The following HHLA2 variants were observed in gnomAD, a reference collection of about 807,000 sequenced individuals.
HHLA2 encodes the protein HERV-H LTR-associating protein 2.
Under a neutral mutation model 45.9 loss-of-function variants are expected in HHLA2, and 48 were observed. The observed-to-expected ratio is 1.05, with a 90% confidence interval of 0.83 to 1.33. The LOEUF is 1.33. Ranked by LOEUF, HHLA2 falls within the 40% of genes most tolerant of loss-of-function variation. The pLI, the probability that HHLA2 is intolerant of heterozygous loss-of-function variation, is 0.00. For missense variants in HHLA2, 462 were observed against 494.3 expected (o/e 0.93, Z 0.62); for synonymous variants, 161 against 173.9 (o/e 0.93, Z 0.59).
At chr3:108,309,268 CT>C (rs2080979484) in intron 1 of HHLA2, among the ~76,000 whole-genome samples, 1 of 152,158 alleles carries the variant, frequency 6.6e-6, no homozygotes, top group Non-Finnish European at 1.5e-5. Flanking sequence ...AAGAGACTAT[CT>C]TTTCCCCAGT....
At chr3:108,333,284 A>G (rs1237772853) in intron 3 of HHLA2, among the ~76,000 whole-genome samples, 1 of 152,106 alleles carries the variant, frequency 6.6e-6, no homozygotes, top group Non-Finnish European at 1.5e-5. Flanking sequence ...AACCCACACA[A>G]TCTCATGTCA....
intron 6 of HHLA2, among the ~76,000 whole-genome samples, chr3:108,355,899 T>C (rs774158917): frequency 1.3e-5 from 2 of 152,186 alleles, no homozygotes; most frequent in Non-Finnish European, 2.9e-5. Flanking sequence ...CACAACATGG[T>C]CAGTTTTTAG....
intron 3 of HHLA2, among the ~76,000 whole-genome samples, chr3:108,341,604 CAAACA>C (rs1471018673): frequency 3.4e-5 from 3 of 87,844 alleles, no homozygotes; most frequent in African/African-American, 1.2e-4. Flanking sequence ...TTTATTTAAA[CAAACA>C]AAAAAAAACA....
At chr3:108,355,471 A>G in intron 6 of HHLA2, 90 bp downstream of exon 5, 1 of 1,426,096 alleles carries the variant, frequency 7.0e-7, no homozygotes. Flanking sequence ...AGGAAGATGA[A>G]AGAAAAGAAA....
At chr3:108,361,116 C>A (rs530323918) in intron 7 of HHLA2, among the ~76,000 whole-genome samples, 99 of 152,278 alleles carry the variant, frequency 6.5e-4, no homozygotes. Flanking sequence ...TTCAACAATT[C>A]TAGTCCTGAC....
intron 7 of HHLA2, 142 bp from the exon 7 acceptor site, chr3:108,362,200 A>C (rs543184106): frequency 1.6e-6 from 1 of 629,352 alleles, no homozygotes; most frequent in African/African-American, 1.8e-5. Context: ...GTGTTTTCAT[A>C]TGAATTCAGC....
intron 3 of HHLA2, among the ~76,000 whole-genome samples, chr3:108,336,772 G>A (rs1223144000): frequency 6.6e-6 from 1 of 151,880 alleles, no homozygotes; most frequent in African/African-American, 2.4e-5. Context: ...AACTGGAACA[G>A]CTCAAGAACC....
At chr3:108,313,915 C>T (rs1377636970) in intron 2 of HHLA2, among the ~76,000 whole-genome samples, 1 of 152,176 alleles carries the variant, frequency 6.6e-6, no homozygotes, top group African/African-American at 2.4e-5. Context: ...ATGATGACTT[C>T]ATCAGACCCC....
At chr3:108,368,570 A>AG (rs1491246657) in intron 8 of HHLA2, among the ~76,000 whole-genome samples, 2 of 115,592 alleles carry the variant, frequency 1.7e-5, no homozygotes, top group East Asian at 4.4e-4. Flanking sequence ...AAAAAAAAAA[A>AG]GCAGGGGTTG....
intron 7 of HHLA2, among the ~76,000 whole-genome samples, chr3:108,361,197 C>T (rs1417179763): frequency 1.3e-5 from 2 of 152,164 alleles, no homozygotes; most frequent in Non-Finnish European, 2.9e-5. Flanking sequence ...AGCAGGTCCT[C>T]CTTTTCTGCA....
chr3:108,356,029 CTTTTTTTTTT>C (rs3053487), intron 6 of HHLA2, among the ~76,000 whole-genome samples: 10 of 118,228 alleles, frequency 8.5e-5, no homozygotes, highest in Non-Finnish European at 1.5e-4. Context: ...ATTTGTTTTC[CTTTTTTTTTT>C]TTTTTTTTGA....
intron 8 of HHLA2, among the ~76,000 whole-genome samples, chr3:108,367,190 C>G (rs1703792040): frequency 1.3e-5 from 2 of 152,124 alleles, no homozygotes; most frequent in African/African-American, 4.8e-5. Flanking sequence ...CATACAAAAC[C>G]ACATCCAAAG....
chr3:108,308,682 C>G (rs2080969565), intron 1 of HHLA2, among the ~76,000 whole-genome samples: 1 of 152,136 alleles, frequency 6.6e-6, no homozygotes, highest in Non-Finnish European at 1.5e-5. Context: ...TTGTTATTGC[C>G]TGTCTTTTGG....
intron 1 of HHLA2, among the ~76,000 whole-genome samples, chr3:108,310,273 G>A (rs576283396): frequency 6.6e-6 from 1 of 152,234 alleles, no homozygotes; most frequent in African/African-American, 2.4e-5. Flanking sequence ...GGAAAAACAA[G>A]TCTTACATGA....
At chr3:108,346,889 T>G (rs1183704603) in intron 3 of HHLA2, among the ~76,000 whole-genome samples, 2 of 152,212 alleles carry the variant, frequency 1.3e-5, no homozygotes, top group Non-Finnish European at 2.9e-5. Flanking sequence ...TTTCGCTATT[T>G]TATGCTTGTA....
intron 2 of HHLA2, among the ~76,000 whole-genome samples, chr3:108,328,070 C>G (rs533031077): frequency 1.3e-5 from 2 of 151,918 alleles, no homozygotes; most frequent in Admixed American, 1.3e-4. Context: ...GAGGCGGAGG[C>G]TGCAGTGAGC....
chr3:108,335,704 A>T (rs185733603), intron 3 of HHLA2, among the ~76,000 whole-genome samples: 44 of 152,294 alleles, frequency 2.9e-4, no homozygotes, highest in Non-Finnish European at 4.4e-5. Flanking sequence ...AAGGAGGCTG[A>T]ACTGACCTGA....
At chr3:108,311,393 A>G (rs1049978069) in intron 2 of HHLA2, among the ~76,000 whole-genome samples, 1 of 152,232 alleles carries the variant, frequency 6.6e-6, no homozygotes, top group Non-Finnish European at 1.5e-5. Flanking sequence ...CATTTTGAAA[A>G]CATCAAGTAA....
chr3:108,352,080 ACT>A (rs1297159666), intron 4 of HHLA2, among the ~76,000 whole-genome samples: 4 of 151,876 alleles, frequency 2.6e-5, no homozygotes, highest in Non-Finnish European at 5.9e-5. Context: ...TCTGATTAAG[ACT>A]CTTTCTAATC....
Sources: gnomAD v4.1 joint callset for allele counts (sites outside exome capture counted in the v4.1 genomes callset) on GRCh38, gnomAD v4.1.1 for gene constraint, MANE v1.5 for transcripts, NCBI Gene and HGNC (gene_info 2026-07-23, HGNC 2026-07-21) for gene names.